The following EP400 variants were observed in gnomAD, a reference collection of about 807,000 sequenced individuals.
EP400 encodes E1A binding protein p400.
In EP400, 105 loss-of-function variants were observed where a neutral mutation model predicts 354.1. The observed-to-expected ratio is 0.30, with a 90% CI of 0.25 to 0.35. The LOEUF is 0.35. Among genes scored for constraint, EP400 ranks in the 10% least tolerant of loss-of-function variants. The pLI, the probability that EP400 is intolerant of heterozygous loss-of-function variation, is 1.00. For synonymous variants in EP400, 1,646 were observed against 1,716.9 expected (o/e 0.96, Z 1.02); for missense variants, 3,280 against 4,121.0 (o/e 0.80, Z 5.59).
chr12:132,068,697 C>A (rs981783516), intron 50 of EP400: 2 of 152,340 alleles, frequency 1.3e-5, no homozygotes, highest in African/African-American at 4.8e-5. Context: ...CAGCCTGCAT[C>A]CCCACTTGGC....
intron 1 of EP400, among the ~76,000 whole-genome samples, chr12:131,951,932 A>G (rs1337013595): frequency 6.8e-6 from 1 of 147,938 alleles, no homozygotes; most frequent in African/African-American, 2.5e-5. Flanking sequence ...GCCTGCCACC[A>G]CACCTGCCTA....
rs769025591 is a variant in EP400, at chr12:131,986,568, C to A, written c.1984C>A (p.Leu662Met). Residue 662 changes from leucine to methionine, a missense_variant, in exon 6 of 53, where the codon CTG (leucine) becomes ATG (methionine). Physicochemically the swap from Leu to Met is conservative, Grantham distance 15. Transcript: ENST00000389561. ...CCCTGCCCCGCCCTGCCCACGGCCT[C>A]TGCCCACCTCTTCTACCTCGTCCCT... is the stretch of plus-strand genomic sequence containing the variant. ...VDPAPPCPRP[L>M]PTSSTSSLAP... The A allele has an allele frequency of 1.1e-5, 18 of 1,613,948 alleles. No homozygotes were observed. The highest frequency in any genetic ancestry group is 1.5e-5 in the Non-Finnish European group (18 of 1,180,020).
At position 132,017,395 on chromosome 12, in the gene EP400, A is replaced by G. The variant is rs1308829865; in HGVS notation, c.3924-140A>G. 1.3e-6 allele frequency: 1 copy of G among 792,036 alleles called. No individual in the cohort carries two copies. Among genetic ancestry groups the G allele is most frequent in the East Asian group, 2.9e-5 (1 of 34,382 alleles). 49.1% of individuals were successfully genotyped at this position (792,036 alleles called of 1,614,324 possible). A position where few individuals can be genotyped will look rare whatever the true frequency, so the allele number is the denominator to read the frequency against. On this transcript the variant is annotated intron_variant, in intron 19 of 52. Transcript: ENST00000389561. This position sits in a 1 kb window ranked among gnomAD's most constrained non-coding sequence, Gnocchi z 5.0. ...GCCTGGGATGTGGACTTGAATGGCC[A>G]CTCTGTCTAACTCATTAAGCGGACC...
chr12:132,077,736 T>C lies in EP400; in HGVS notation c.*63T>C. The C allele has an allele frequency of 2.0e-6, 3 of 1,487,788 alleles. No individual in the cohort carries two copies. Among genetic ancestry groups the C allele is most frequent in the Non-Finnish European group, 2.7e-6 (3 of 1,119,990 alleles). The allele number at this position is 1,487,788 out of a possible 1,614,324, so 92.2% of individuals were successfully genotyped here. A position where few individuals can be genotyped will look rare whatever the true frequency, so the allele number is the denominator to read the frequency against. On this transcript the variant is annotated 3_prime_UTR_variant, in exon 53 of 53. Coordinates refer to ENST00000389561, the MANE Select transcript of EP400 (RefSeq NM_015409.5). ...TACCTTCCTCACAGAAAACGCTTTA[T>C]TAGTGAACCTTGGGACCATGTCACG...
intron 15 of EP400, among the ~76,000 whole-genome samples, chr12:132,009,042 G>T (rs1250787893): frequency 4.2e-5 from 6 of 144,208 alleles, no homozygotes; most frequent in Admixed American, 2.7e-4. Context: ...GCCTCCTAAG[G>T]AGCTACTTAG....
Position 132,021,320 on chromosome 12 carries a change from C to T in EP400, c.4689C>T (p.Pro1563=), listed in dbSNP as rs1329145841. The T allele has an allele frequency of 1.3e-6, 2 of 1,516,638 alleles. No homozygotes were observed. The highest frequency in any genetic ancestry group is 8.8e-7 in the Non-Finnish European group (1 of 1,139,198). 93.9% of individuals were successfully genotyped at this position (1,516,638 alleles called of 1,614,324 possible). A position where few individuals can be genotyped will look rare whatever the true frequency, so the allele number is the denominator to read the frequency against. ...VLPSQAQARL[P]SGEVVKIAQL... is the part of the protein sequence containing the mutation. ...CCTCGCAGGCCCAGGCCCGCTTGCC[C>T]AGTAAGTGGCCTCACCTTTCCAGGT... The change falls in exon 23 of 53, where the codon CCC becomes CCT. Residue 1563 remains proline, a splice_region_variant and synonymous_variant. Coordinates refer to ENST00000389561, the MANE Select transcript of EP400 (RefSeq NM_015409.5).
In EP400 at chr12:132,011,700, A is replaced by T. The variant is rs989269223; in HGVS notation, c.3441+66A>T. The T allele has an allele frequency of 1.6e-5, 24 of 1,522,074 alleles. No individual in the cohort carries two copies. The South Asian group carries it at 2.8e-4, about 18-fold the overall frequency. 94.3% of individuals were successfully genotyped at this position (1,522,074 alleles called of 1,614,324 possible). On this transcript the variant is annotated intron_variant, in intron 16 of 52. Transcript: ENST00000389561. Reference sequence around the variant, plus strand: ...CCATGTTAATTTTTATAAAAGACACATTAAAAAATGTGAAGACATGCTTAT... The same window carrying T: ...CCATGTTAATTTTTATAAAAGACACTTTAAAAAATGTGAAGACATGCTTAT...
chr12:131,985,393 G>A (rs144659960), intron 5 of EP400, among the ~76,000 whole-genome samples: 3 of 152,372 alleles, frequency 2.0e-5, no homozygotes, highest in Non-Finnish European at 4.4e-5. Context: ...GCCGGGAGAC[G>A]GCGCTGCCGA....
Position 132,077,427 on chromosome 12 carries a change from G to T in EP400, c.9126G>T (p.Thr3042=). The change falls in exon 53 of 53, where the codon ACG becomes ACT. Residue 3042 remains threonine (T), a synonymous_variant. Transcript: ENST00000389561. ...CTTCTCCACAGACTGTGGCGCTCAC[G>T]CAGGCGACGGCGGCCGGGCAGCAGG... ...QQASPQTVAL[T]QATAAGQQVQ... 1 of 1,612,440 alleles carries T rather than the reference G, an allele frequency of 6.2e-7. No individual in the cohort carries two copies. The highest frequency in any genetic ancestry group is 8.5e-7 in the Non-Finnish European group (1 of 1,179,780).
intron 11 of EP400, 41 bp downstream of exon 11, chr12:131,992,271 TGCTGATGAG>T (rs748940012): frequency 1.9e-6 from 3 of 1,573,052 alleles, no homozygotes; most frequent in Non-Finnish European, 1.7e-6. Context: ...TCTCCAGGGC[TGCTGATGAG>T]ATGACACAGA....
At chr12:132,026,970 C>A (rs1894328033) in intron 25 of EP400, among the ~76,000 whole-genome samples, 1 of 152,206 alleles carries the variant, frequency 6.6e-6, no homozygotes, top group South Asian at 2.1e-4. Flanking sequence ...ATGAAACGGG[C>A]ACTGGCTTGC....
At chr12:132,076,305 G>T in intron 51 of EP400, 47 of 599,472 alleles carry the variant, frequency 7.8e-5, no homozygotes, top group Middle Eastern at 2.6e-4. Context: ...GATGAGTGAT[G>T]GCAAATTGGG....
chr12:132,060,235 A>T (rs1895647603), intron 45 of EP400, among the ~76,000 whole-genome samples: 1 of 152,166 alleles, frequency 6.6e-6, no homozygotes, highest in Admixed American at 6.5e-5. Flanking sequence ...AAATCAGAAG[A>T]CATCCTACAC....
intron 39 of EP400, among the ~76,000 whole-genome samples, chr12:132,047,487 T>C (rs1895144088): frequency 1.3e-5 from 2 of 152,160 alleles, no homozygotes. Context: ...AGACATCACA[T>C]GTCGGCAGGT....
chr12:131,987,883 C>G lies in EP400; in HGVS notation c.2402C>G (p.Ala801Gly), dbSNP rs755083125. The change falls in exon 7 of 53, where the codon GCG becomes GGG. Residue 801 changes from alanine to glycine, a missense_variant. Ala to Gly is a moderately conservative substitution (Grantham distance 60, BLOSUM62 0). Coordinates refer to ENST00000389561, the MANE Select transcript of EP400 (RefSeq NM_015409.5). ...GAGAGGAGGTGGAAGGTGGCTGCTG[C>G]GAAGAAGGTGGGTTGGAATGCGTGG... is the stretch of plus-strand genomic sequence containing the variant. Reference protein sequence around the residue: ...AQERRWKVAAAKKLVRTVVRH... With the variant: ...AQERRWKVAAGKKLVRTVVRH... 7 of 1,603,566 alleles carry G rather than the reference C, an allele frequency of 4.4e-6. No homozygotes were observed. The highest frequency in any genetic ancestry group is 2.7e-5 in the African/African-American group (2 of 74,416).
chr12:131,962,091 C>A (rs753199568), intron 2 of EP400, 137 bp downstream of exon 2: 15 of 1,204,222 alleles, frequency 1.2e-5, no homozygotes, highest in Non-Finnish European at 1.7e-5. Flanking sequence ...AGGATTTGAC[C>A]CATAAGTAAA....
At chr12:132,060,541 C>T (rs916406482) in intron 45 of EP400, among the ~76,000 whole-genome samples, 7 of 152,120 alleles carry the variant, frequency 4.6e-5, no homozygotes, top group African/African-American at 7.2e-5. Flanking sequence ...GCAGTGAGGC[C>T]GGGAGCCAGC....
At chr12:132,048,348 A>G (rs975358762) in intron 39 of EP400, among the ~76,000 whole-genome samples, 1 of 152,158 alleles carries the variant, frequency 6.6e-6, no homozygotes, top group Non-Finnish European at 1.5e-5. Flanking sequence ...TAATTTGGGG[A>G]ACTAGTAAAT....
intron 2 of EP400, among the ~76,000 whole-genome samples, chr12:131,972,784 T>C: frequency 7.2e-6 from 1 of 138,050 alleles, no homozygotes; most frequent in Non-Finnish European, 1.5e-5. Context: ...CAGGCTGGAG[T>C]GCAGTGGCGC....
Sources: allele counts gnomAD v4.1 joint callset (sites outside exome capture counted in the v4.1 genomes callset), GRCh38; gene constraint gnomAD v4.1.1; non-coding constraint Gnocchi (gnomAD v3.1); transcripts MANE v1.5; gene names NCBI Gene and HGNC (gene_info 2026-07-23, HGNC 2026-07-21).